HECW1: variants seen among roughly 807,000 people sequenced by gnomAD.
The protein encoded by HECW1 is HECT, C2 and WW domain containing E3 ubiquitin protein ligase 1, also known as E3 ubiquitin-protein ligase HECW1.
In HECW1, 61 loss-of-function variants were observed where a neutral mutation model predicts 182.3. That is an observed-to-expected ratio of 0.33 (90% CI 0.27 to 0.41). HECW1 has a LOEUF of 0.41. Ranked by LOEUF, HECW1 falls within the 10% of genes least tolerant of loss-of-function variation. The probability of loss-of-function intolerance (pLI) is 1.00; values close to 1 mark genes in which losing one functional copy is unlikely to be tolerated. For missense variants in HECW1, 1,739 were observed against 2,108.9 expected (o/e 0.82, Z 3.44); for synonymous variants, 859 against 832.6 (o/e 1.03, Z -0.55).
At chr7:43,201,927 C>T (rs1018106944) in intron 2 of HECW1, among the ~76,000 whole-genome samples, 1 of 152,196 alleles carries the variant, frequency 6.6e-6, no homozygotes, top group Non-Finnish European at 1.5e-5. Flanking sequence ...TGACTTACGA[C>T]TCTGGGGTAG....
At chr7:43,470,576 T>A (rs183096115) in intron 16 of HECW1, among the ~76,000 whole-genome samples, 1 of 152,166 alleles carries the variant, frequency 6.6e-6, no homozygotes, top group African/African-American at 2.4e-5. Context: ...ACTGTGAGAG[T>A]TTTGTTCCAT....
intron 24 of HECW1, among the ~76,000 whole-genome samples, chr7:43,514,798 AC>A (rs1162318220): frequency 6.6e-6 from 1 of 152,132 alleles, no homozygotes; most frequent in African/African-American, 2.4e-5. Context: ...CAACATTATA[AC>A]CCAGATATAA....
Position 43,134,337 on chromosome 7 carries a change from T to C in HECW1, c.-32+19946T>C, listed in dbSNP as rs575712685. On this transcript the variant is annotated intron_variant, in intron 2 of 29. Transcript: ENST00000395891. The stretch of plus-strand genomic sequence containing the variant: ...TGAACCCGGGAGGCAGAGGTTGCAG[T>C]GAGCCGAGATTGCACCATTGCACTC... Among the ~76,000 whole-genome samples the C allele has an allele frequency of 1.1e-4, 15 of 131,660 alleles. No individual in the cohort carries two copies. The South Asian group carries it at 3.4e-3, about 30-fold the overall frequency. The allele number at this position is 131,660 out of a possible 152,430, so 86.4% of individuals were successfully genotyped here. A position where few individuals can be genotyped will look rare whatever the true frequency, so the allele number is the denominator to read the frequency against.
intron 29 of HECW1, among the ~76,000 whole-genome samples, chr7:43,558,667 C>G (rs1013890203): frequency 6.6e-6 from 1 of 152,068 alleles, no homozygotes; most frequent in Non-Finnish European, 1.5e-5. Context: ...TGAATCGTGT[C>G]AAGCTGAGAA....
chr7:43,470,501 A>G (rs1463547085), intron 16 of HECW1, among the ~76,000 whole-genome samples: 2 of 152,192 alleles, frequency 1.3e-5, no homozygotes, highest in Non-Finnish European at 1.5e-5. Context: ...CTAGTTCTCC[A>G]TGGCACACAT....
chr7:43,196,825 T>C (rs1479115992), intron 2 of HECW1, among the ~76,000 whole-genome samples: 1 of 152,224 alleles, frequency 6.6e-6, no homozygotes, highest in East Asian at 1.9e-4. Context: ...TGAAGAATAA[T>C]TTGTAATATT....
intron 6 of HECW1, among the ~76,000 whole-genome samples, chr7:43,374,359 G>A (rs962542287): frequency 1.3e-5 from 2 of 152,102 alleles, no homozygotes; most frequent in African/African-American, 4.8e-5. Flanking sequence ...GAGATAATGG[G>A]TCCAACCTTT....
At chr7:43,238,127 G>A (rs1426241989) in intron 2 of HECW1, among the ~76,000 whole-genome samples, 1 of 152,224 alleles carries the variant, frequency 6.6e-6, no homozygotes, top group Non-Finnish European at 1.5e-5. Flanking sequence ...CAAGGATGGA[G>A]TTCTATTACG....
intron 3 of HECW1, among the ~76,000 whole-genome samples, chr7:43,279,326 T>C (rs773302520): frequency 1.6e-4 from 25 of 152,192 alleles, no homozygotes; most frequent in Non-Finnish European, 3.1e-4. Context: ...CCTTACAGTT[T>C]CAATTGAGTG....
intron 7 of HECW1, among the ~76,000 whole-genome samples, chr7:43,407,218 TA>T (rs995144206): frequency 4.9e-4 from 75 of 152,294 alleles, no homozygotes; most frequent in East Asian, 7.7e-4. Context: ...TGTGCTCTTT[TA>T]ATCCTCTCCT....
At chr7:43,145,852 C>T (rs1003719491) in intron 2 of HECW1, among the ~76,000 whole-genome samples, 1 of 152,154 alleles carries the variant, frequency 6.6e-6, no homozygotes, top group Non-Finnish European at 1.5e-5. Flanking sequence ...ATAATAATAA[C>T]AGAGTGGAAG....
At chr7:43,366,299 C>T (rs546648941) in intron 6 of HECW1, among the ~76,000 whole-genome samples, 1 of 152,264 alleles carries the variant, frequency 6.6e-6, no homozygotes, top group East Asian at 1.9e-4. Context: ...AGATTTTCCT[C>T]CTCCACATCA....
In HECW1 at chr7:43,303,034, G is replaced by T. The variant is rs191938621; in HGVS notation, c.28-8729G>T. Among the ~76,000 whole-genome samples, 595 of 152,076 alleles carry T rather than the reference G, an allele frequency of 3.9e-3. 7 individuals carry two copies. The highest frequency in any genetic ancestry group is 4.4e-3 in the Non-Finnish European group (296 of 67,996). ...AGGAGGTGCTAAATATTATGAACAG[G>T]AATTTGCCCCAGCTAACCTGACGAG... On this transcript the variant is annotated intron_variant, in intron 3 of 29. Transcript: ENST00000395891.
At chr7:43,291,873 C>A (rs1584352722) in intron 3 of HECW1, among the ~76,000 whole-genome samples, 1 of 152,256 alleles carries the variant, frequency 6.6e-6, no homozygotes, top group South Asian at 2.1e-4. Context: ...TAACATCGTT[C>A]TCCAATACAA....
At chr7:43,134,011 C>T (rs12690832) in intron 2 of HECW1, among the ~76,000 whole-genome samples, 75,258 of 151,922 alleles carry the variant, frequency 0.5, 18,906 homozygotes, top group East Asian at 0.57. Context: ...TGTCCATCTT[C>T]GGAAAATATA....
intron 15 of HECW1, among the ~76,000 whole-genome samples, chr7:43,468,090 A>T (rs12702045): frequency 6.6e-6 from 1 of 151,524 alleles, no homozygotes; most frequent in Non-Finnish European, 1.5e-5. Flanking sequence ...TTTCACCACC[A>T]GCCCCCACCA....
chr7:43,370,835 AG>A (rs1817244021), intron 6 of HECW1, among the ~76,000 whole-genome samples: 1 of 152,038 alleles, frequency 6.6e-6, no homozygotes. Flanking sequence ...GTGAAGATTT[AG>A]CGGGGAAGGA....
At chr7:43,489,627 A>G (rs1354029873) in intron 17 of HECW1, among the ~76,000 whole-genome samples, 1 of 152,232 alleles carries the variant, frequency 6.6e-6, no homozygotes, top group African/African-American at 2.4e-5. Flanking sequence ...CATGGGCAAT[A>G]AGAAGGACCA....
chr7:43,319,909 C>T (rs779687471), intron 4 of HECW1, among the ~76,000 whole-genome samples: 1 of 151,406 alleles, frequency 6.6e-6, no homozygotes, highest in African/African-American at 2.4e-5. Context: ...CACTGCACCC[C>T]GCCTCCTTTC....
Sources: allele counts gnomAD v4.1 joint callset (sites outside exome capture counted in the v4.1 genomes callset), GRCh38; gene constraint gnomAD v4.1.1; transcripts MANE v1.5; gene names NCBI Gene and HGNC (gene_info 2026-07-23, HGNC 2026-07-21).